OTOA: variants seen among roughly 807,000 people sequenced by gnomAD.
OTOA encodes otoancorin.
In OTOA, 70 loss-of-function variants were observed where a neutral mutation model predicts 110.8. The ratio of observed to expected loss-of-function variants is 0.63; its 90% CI spans 0.52 to 0.77. OTOA has a LOEUF of 0.77. Ranked by LOEUF, OTOA falls within the 30% of genes least tolerant of loss-of-function variation. The pLI, the probability that OTOA is intolerant of heterozygous loss-of-function variation, is 0.00. For synonymous variants in OTOA, 373 were observed against 431.5 expected, an observed-to-expected ratio of 0.86 and a Z score of 1.68; for missense variants, 917 against 1,075.8, an observed-to-expected ratio of 0.85 and a Z score of 2.06.
Position 21,691,849 on chromosome 16 carries a change from A to G in OTOA, c.739+162A>G, listed in dbSNP as rs1396735001. Among the ~76,000 whole-genome samples the G allele has an allele frequency of 3.3e-5, 5 of 152,202 alleles. No individual in the cohort carries two copies. In the East Asian group the frequency reaches 9.6e-4, roughly 29 times the overall value. On this transcript the variant is annotated intron_variant, in intron 9 of 28. Transcript: ENST00000646100. ...TGATGTGGCTTATGGAGTAAAACACATACTCCATTTCGTCAATGCAATTCG... is the reference window on the plus strand; with the variant it reads ...TGATGTGGCTTATGGAGTAAAACACGTACTCCATTTCGTCAATGCAATTCG...
intron 9 of OTOA, among the ~76,000 whole-genome samples, chr16:21,692,235 G>A (rs1386697530): frequency 6.6e-6 from 1 of 151,950 alleles, no homozygotes; most frequent in South Asian, 2.1e-4. Context: ...GTTGAGGCAG[G>A]AGAATCGCTT....
intron 1 of OTOA, among the ~76,000 whole-genome samples, chr16:21,675,134 TCC>T (rs1966855186): frequency 6.8e-6 from 1 of 147,132 alleles, no homozygotes; most frequent in South Asian, 2.1e-4. Flanking sequence ...TCTCTTTCTT[TCC>T]TTCTTTCTTT....
At chr16:21,713,907 A>T (rs1247299524) in intron 13 of OTOA, among the ~76,000 whole-genome samples, 3 of 152,140 alleles carry the variant, frequency 2.0e-5, no homozygotes, top group Non-Finnish European at 4.4e-5. Context: ...GATTTTAGGG[A>T]GTTGAGGGAG....
At chr16:21,712,010 A>G (rs1898372998) in intron 13 of OTOA, among the ~76,000 whole-genome samples, 1 of 152,048 alleles carries the variant, frequency 6.6e-6, no homozygotes, top group Non-Finnish European at 1.5e-5. Flanking sequence ...CCAACTATAC[A>G]AAACTCATCA....
At chr16:21,758,003 A>T (rs543321) in intron 28 of OTOA, among the ~76,000 whole-genome samples, 29 of 152,122 alleles carry the variant, frequency 1.9e-4, no homozygotes, top group African/African-American at 3.9e-4. Flanking sequence ...TACAGAGGTG[A>T]CCAAGATAGA....
At chr16:21,718,276 A>G (rs1210620929) in intron 15 of OTOA, among the ~76,000 whole-genome samples, 1 of 152,098 alleles carries the variant, frequency 6.6e-6, no homozygotes, top group African/African-American at 2.4e-5. Context: ...TATTTTGGAA[A>G]ATACATTCTG....
chr16:21,700,371 C>T (rs1898026630), intron 10 of OTOA, among the ~76,000 whole-genome samples: 1 of 152,008 alleles, frequency 6.6e-6, no homozygotes, highest in Non-Finnish European at 1.5e-5. Flanking sequence ...ATAATTCTTT[C>T]CTAAAGAATA....
chr16:21,699,340 C>A (rs1036651057), intron 10 of OTOA, among the ~76,000 whole-genome samples: 1 of 152,086 alleles, frequency 6.6e-6, no homozygotes, highest in Non-Finnish European at 1.5e-5. Flanking sequence ...AATACTGTCT[C>A]AAAATATAGA....
At chr16:21,665,889 CAT>C (rs1049197864) in intron 1 of OTOA, among the ~76,000 whole-genome samples, 1 of 151,778 alleles carries the variant, frequency 6.6e-6, no homozygotes, top group African/African-American at 2.4e-5. Flanking sequence ...AATGTAGTGA[CAT>C]GTGATCGCGG....
At chr16:21,684,720 CTTATTATTATTATTATTA>C (rs531589434) in intron 6 of OTOA, among the ~76,000 whole-genome samples, 17 of 126,914 alleles carry the variant, frequency 1.3e-4, no homozygotes, top group African/African-American at 4.1e-4. Flanking sequence ...GAGGAATCCC[CTTATTATTATTATTATTA>C]TTATTATTAT....
In OTOA at chr16:21,719,265, A is replaced by T. The variant is rs1489507053; in HGVS notation, c.1688+74A>T. 3 of 1,587,702 alleles carry T rather than the reference A, an allele frequency of 1.9e-6. No homozygotes were observed. In the African/African-American group the frequency reaches 4.0e-5, roughly 21 times the overall value. On this transcript the variant is annotated intron_variant, in intron 16 of 28. Coordinates refer to ENST00000646100, the MANE Select transcript of OTOA (RefSeq NM_144672.4). ...TTCTGCCAGAGCAGCCTACTTTTCC[A>T]GGTGGGAGAGTTAGGCAGTCACATC...
chr16:21,701,956 T>G (rs1270848290), intron 11 of OTOA, among the ~76,000 whole-genome samples: 3 of 150,042 alleles, frequency 2.0e-5, no homozygotes, highest in Non-Finnish European at 3.0e-5. Context: ...CTGTTTTTTT[T>G]TTTTTTTTTT....
intron 5 of OTOA, 100 bp downstream of exon 5, chr16:21,679,311 C>A: frequency 7.8e-7 from 1 of 1,282,826 alleles, no homozygotes; most frequent in Admixed American, 1.8e-5. Context: ...GTGCTCATTA[C>A]AAAAAATGTC....
chr16:21,709,215 T>C (rs1898282010), intron 12 of OTOA, among the ~76,000 whole-genome samples: 1 of 152,140 alleles, frequency 6.6e-6, no homozygotes, highest in Admixed American at 6.5e-5. Context: ...GTGGATTACA[T>C]TAGGTCAGGA....
chr16:21,681,886 G>C, intron 6 of OTOA, 61 bp downstream of exon 6: 1 of 1,506,260 alleles, frequency 6.6e-7, no homozygotes, highest in Non-Finnish European at 9.2e-7. Flanking sequence ...GCAAACTCAG[G>C]GGCCAGGTAA....
intron 8 of OTOA, among the ~76,000 whole-genome samples, chr16:21,689,842 C>T (rs927923817): frequency 1.3e-5 from 2 of 152,194 alleles, no homozygotes; most frequent in African/African-American, 2.4e-5. Context: ...CATGCCACCA[C>T]GCCTGGCTAC....
intron 9 of OTOA, among the ~76,000 whole-genome samples, chr16:21,695,700 C>T (rs1897917717): frequency 1.3e-5 from 2 of 151,444 alleles, no homozygotes; most frequent in African/African-American, 4.9e-5. Flanking sequence ...CTGCAAATAG[C>T]TCTTGATGTT....
intron 8 of OTOA, among the ~76,000 whole-genome samples, chr16:21,691,075 C>T (rs527774437): frequency 1.9e-4 from 28 of 145,084 alleles, no homozygotes; most frequent in African/African-American, 5.6e-4. Context: ...GTTTGGTTTT[C>T]TGTCCTTGTG....
intron 19 of OTOA, 57 bp from the exon 20 acceptor site, chr16:21,728,183 TG>T: frequency 6.2e-7 from 1 of 1,605,762 alleles, no homozygotes. Context: ...GTGTTTCTAA[TG>T]GCTCACGATC....
Sources: allele counts gnomAD v4.1 joint callset (sites outside exome capture counted in the v4.1 genomes callset), GRCh38; gene constraint gnomAD v4.1.1; transcripts MANE v1.5; gene names NCBI Gene and HGNC (gene_info 2026-07-23, HGNC 2026-07-21).